Variants in SIK2 observed in about 807,000 individuals in gnomAD.
SIK2 encodes salt inducible kinase 2.
SIK2 carries 29 observed loss-of-function variants against 103.2 expected under a neutral mutation model. The ratio of observed to expected loss-of-function variants is 0.28; its 90% CI spans 0.21 to 0.38. The LOEUF (loss-of-function observed/expected upper bound fraction) is 0.38, where lower values mean the gene tolerates loss of function less well. Ranked by LOEUF, SIK2 falls within the 10% of genes least tolerant of loss-of-function variation. SIK2 has a pLI of 1.00. For missense variants in SIK2, 879 were observed against 1,171.0 expected (o/e 0.75, Z 3.64); for synonymous variants, 412 against 446.1 (o/e 0.92, Z 0.96).
chr11:111,690,360 G>A (rs1362580968), intron 4 of SIK2, among the ~76,000 whole-genome samples: 2 of 149,818 alleles, frequency 1.3e-5, no homozygotes, highest in Non-Finnish European at 1.5e-5. Context: ...TTACCAAAAC[G>A]AAATATTTAC....
chr11:111,631,023 G>T (rs1037592110), intron 3 of SIK2, among the ~76,000 whole-genome samples: 2 of 152,076 alleles, frequency 1.3e-5, no homozygotes, highest in African/African-American at 4.8e-5. Context: ...GGTGAAATAA[G>T]GTCCCAGAGT....
At chr11:111,623,762 C>T (rs950700786) in intron 3 of SIK2, among the ~76,000 whole-genome samples, 8 of 152,198 alleles carry the variant, frequency 5.3e-5, no homozygotes, top group African/African-American at 1.9e-4. Flanking sequence ...TTCCCTCACA[C>T]GTGAGCCAAT....
At chr11:111,609,333 T>TG (rs1193031794) in intron 1 of SIK2, among the ~76,000 whole-genome samples, 82 of 150,676 alleles carry the variant, frequency 5.4e-4, no homozygotes, top group East Asian at 2.1e-3. Flanking sequence ...ATTTTTTTTT[T>TG]GGGGGGGGGA....
At chr11:111,604,884 G>C (rs2135826435) in intron 1 of SIK2, among the ~76,000 whole-genome samples, 1 of 152,144 alleles carries the variant, frequency 6.6e-6, no homozygotes, top group South Asian at 2.1e-4. Context: ...AGGTAGAGAG[G>C]GATAAGTGAA....
At chr11:111,649,959 T>C (rs548364716) in intron 3 of SIK2, among the ~76,000 whole-genome samples, 1 of 152,070 alleles carries the variant, frequency 6.6e-6, no homozygotes, top group South Asian at 2.1e-4. Flanking sequence ...GGCAGAAAAA[T>C]AGTTTAGTGG....
In SIK2 at chr11:111,720,506, C is replaced by G. The variant is rs765910823; in HGVS notation, c.1524C>G (p.Pro508=). ...AAATTTTCTCCATGAATGACAGCCCCTCCCTTGACAGTGTGGACTCTGAGT... is the reference window on the plus strand; with the variant it reads ...AAATTTTCTCCATGAATGACAGCCCGTCCCTTGACAGTGTGGACTCTGAGT... ...AGKIFSMNDS[P]SLDSVDSEYD... Residue 508 remains proline (P), a synonymous_variant, in exon 11 of 15, where the codon CCC becomes CCG. Coordinates refer to ENST00000304987, the MANE Select transcript of SIK2 (RefSeq NM_015191.3). 12 of 1,608,458 alleles carry G rather than the reference C, an allele frequency of 7.5e-6. No individual in the cohort carries two copies. Among genetic ancestry groups the G allele is most frequent in the Non-Finnish European group, 9.3e-6 (11 of 1,178,134 alleles).
intron 3 of SIK2, among the ~76,000 whole-genome samples, chr11:111,646,418 C>T (rs1245693636): frequency 6.6e-6 from 1 of 152,070 alleles, no homozygotes; most frequent in Non-Finnish European, 1.5e-5. Flanking sequence ...CATTGCACTC[C>T]AGCCTGGGCA....
rs1031473390 is a variant in SIK2 at position 111,602,484 on chromosome 11, C to G, written c.-80C>G. 2.9e-5 allele frequency: 40 copies of G among 1,364,006 alleles called. No homozygotes were observed. Among genetic ancestry groups the G allele is most frequent in the Admixed American group, 2.0e-4 (6 of 29,920 alleles). The allele number at this position is 1,364,006 out of a possible 1,614,324, so 84.5% of individuals were successfully genotyped here. A position where few individuals can be genotyped will look rare whatever the true frequency, so the allele number is the denominator to read the frequency against. On this transcript the variant is annotated 5_prime_UTR_variant, in exon 1 of 15. Transcript: ENST00000304987. The surrounding 1 kb of genome is among the most constrained non-coding windows in gnomAD (Gnocchi z 4.5). ...GGAGCGAAGGAGCAAGCGGAGCGGC[C>G]GTCGCCCAAGCCAAGCCGCGCTGCC...
intron 3 of SIK2, among the ~76,000 whole-genome samples, chr11:111,665,228 G>C (rs2135875057): frequency 6.6e-6 from 1 of 151,656 alleles, no homozygotes; most frequent in South Asian, 2.1e-4. Flanking sequence ...TCAACATTTA[G>C]AAATGTCAGA....
intron 3 of SIK2, among the ~76,000 whole-genome samples, chr11:111,626,877 C>G (rs1193212535): frequency 6.6e-6 from 1 of 152,100 alleles, no homozygotes; most frequent in Non-Finnish European, 1.5e-5. Context: ...TTATACTGCT[C>G]CATGCTTCAG....
At chr11:111,659,729 A>G (rs875257) in intron 3 of SIK2, among the ~76,000 whole-genome samples, 92,070 of 152,076 alleles carry the variant, frequency 0.61, 31,148 homozygotes, top group East Asian at 0.96. Flanking sequence ...TCACTTTTCA[A>G]TCCAAGTCAC....
chr11:111,675,523 A>G (rs1337571443), intron 3 of SIK2, among the ~76,000 whole-genome samples: 1 of 152,178 alleles, frequency 6.6e-6, no homozygotes, highest in Non-Finnish European at 1.5e-5. Context: ...TTCTCTGACA[A>G]GTGACTTCAC....
At chr11:111,723,257 G>C (rs1165818441) in intron 14 of SIK2, among the ~76,000 whole-genome samples, 1 of 152,144 alleles carries the variant, frequency 6.6e-6, no homozygotes, top group Non-Finnish European at 1.5e-5. Context: ...AAAAAACTCG[G>C]AGTCAGAGAA....
Position 111,721,907 on chromosome 11 carries a change from C to G in SIK2, c.2022C>G (p.Ser674Arg), listed in dbSNP as rs1029008439. The change falls in exon 13 of 15, where the codon AGC (serine) becomes AGG (arginine). Residue 674 changes from serine (S) to arginine (R), a missense_variant. Ser to Arg is a moderately radical substitution (Grantham distance 110). Transcript: ENST00000304987. Reference sequence around the variant, plus strand: ...ATCCCCAGCTGTCCCCACGGCAGAGCCTGGAGACCCAGTACCTGCAGCACA... The same window carrying G: ...ATCCCCAGCTGTCCCCACGGCAGAGGCTGGAGACCCAGTACCTGCAGCACA... ...SVHPQLSPRQ[S>R]LETQYLQHRL... 1 of 1,611,054 alleles carries G rather than the reference C, an allele frequency of 6.2e-7. No individual in the cohort carries two copies. The highest frequency in any genetic ancestry group is 8.5e-7 in the Non-Finnish European group (1 of 1,178,506).
chr11:111,617,880 A>G (rs1218163246), intron 2 of SIK2, among the ~76,000 whole-genome samples: 1 of 151,782 alleles, frequency 6.6e-6, no homozygotes, highest in Non-Finnish European at 1.5e-5. Flanking sequence ...ACACACACAC[A>G]TATATTTGGC....
intron 3 of SIK2, among the ~76,000 whole-genome samples, chr11:111,663,810 TAA>T (rs1307379031): frequency 6.6e-6 from 1 of 152,224 alleles, no homozygotes; most frequent in Non-Finnish European, 1.5e-5. Flanking sequence ...CTCCAGATTT[TAA>T]GTGTTTAAGC....
chr11:111,707,796 C>A (rs1471182511), intron 8 of SIK2, among the ~76,000 whole-genome samples: 2 of 152,092 alleles, frequency 1.3e-5, no homozygotes, highest in Non-Finnish European at 2.9e-5. Context: ...ATGATCCAGT[C>A]AATACAAAGA....
chr11:111,619,120 G>A (rs1475579431), intron 2 of SIK2, among the ~76,000 whole-genome samples: 2 of 152,114 alleles, frequency 1.3e-5, no homozygotes, highest in Non-Finnish European at 2.9e-5. Context: ...AAACTAGACC[G>A]AGGATAAAAC....
Position 111,700,872 on chromosome 11 carries a change from T to C in SIK2, c.479-14T>C. The C allele has an allele frequency of 5.0e-6, 8 of 1,613,440 alleles. No individual in the cohort carries two copies. Among genetic ancestry groups the C allele is most frequent in the Non-Finnish European group, 5.1e-6 (6 of 1,179,556 alleles). ...GAGCATAGATGAAAATAACATTTATTTCCATCCTAATAGATTTCGGTTTTG... is the reference window on the plus strand; with the variant it reads ...GAGCATAGATGAAAATAACATTTATCTCCATCCTAATAGATTTCGGTTTTG... On this transcript the variant is annotated splice_polypyrimidine_tract_variant and intron_variant, in intron 4 of 14. Transcript: ENST00000304987.
Sources: gnomAD v4.1 joint callset for allele counts (sites outside exome capture counted in the v4.1 genomes callset) on GRCh38, gnomAD v4.1.1 for gene constraint, Gnocchi (gnomAD v3.1) non-coding constraint, MANE v1.5 for transcripts, NCBI Gene and HGNC (gene_info 2026-07-23, HGNC 2026-07-21) for gene names.